ELAPOR1: variants seen among roughly 807,000 people sequenced by gnomAD.
The protein encoded by ELAPOR1 is endosome-lysosome associated apoptosis and autophagy regulator 1.
ELAPOR1 carries 77 observed loss-of-function variants against 119.7 expected under a neutral mutation model. The ratio of observed to expected loss-of-function variants is 0.64; its 90% CI spans 0.54 to 0.78. The LOEUF (loss-of-function observed/expected upper bound fraction) is 0.78. Among genes scored for constraint, ELAPOR1 ranks in the 30% least tolerant of loss-of-function variants. The pLI, the probability that ELAPOR1 is intolerant of heterozygous loss-of-function variation, is 0.00. For missense variants in ELAPOR1, 1,115 were observed against 1,270.4 expected, an observed-to-expected ratio of 0.88 and a Z score of 1.86; for synonymous variants, 481 against 487.2, an observed-to-expected ratio of 0.99 and a Z score of 0.17.
At chr1:109,122,518 A>G (rs1476731631) in intron 1 of ELAPOR1, among the ~76,000 whole-genome samples, 1 of 151,166 alleles carries the variant, frequency 6.6e-6, no homozygotes, top group Non-Finnish European at 1.5e-5. Flanking sequence ...AAAATTAGCT[A>G]TGTGTGGTGG....
intron 4 of ELAPOR1, 54 bp from the exon 5 acceptor site, chr1:109,172,434 G>A (rs1030094656): frequency 3.0e-6 from 4 of 1,326,428 alleles, no homozygotes; most frequent in South Asian, 2.4e-5. Flanking sequence ...GTGGGGAAAG[G>A]TATCCATTTC....
chr1:109,188,440 G>C, intron 9 of ELAPOR1, 86 bp downstream of exon 9: 1 of 1,432,774 alleles, frequency 7.0e-7, no homozygotes, highest in East Asian at 2.3e-5. Context: ...GCTGAATGCA[G>C]ACTCTGCCCT....
chr1:109,142,816 T>C (rs989393615), intron 1 of ELAPOR1, among the ~76,000 whole-genome samples: 2 of 152,216 alleles, frequency 1.3e-5, no homozygotes, highest in African/African-American at 4.8e-5. Context: ...ACAAGAGAAT[T>C]GAGAACATAT....
intron 7 of ELAPOR1, among the ~76,000 whole-genome samples, chr1:109,183,328 C>CAAAAAAA (rs67807553): frequency 3.4e-5 from 1 of 29,440 alleles, no homozygotes; most frequent in African/African-American, 1.3e-4. Flanking sequence ...CTGTCTCTAC[C>CAAAAAAA]AAAAAAAAAA....
rs1022122406 is a variant in ELAPOR1 at position 109,186,572 on chromosome 1, G to C, written c.1041+1439G>C. ...ATTTGGGGCATCATCCCCTTCTCCA[G>C]CAGCCAAGAGAGAATGGCTGTGTCT... On this transcript the variant is annotated intron_variant, in intron 8 of 21. Coordinates refer to ENST00000369939, the MANE Select transcript of ELAPOR1 (RefSeq NM_020775.5). The C allele has an allele frequency of 3.0e-6, 3 of 985,380 alleles. No homozygotes were observed. In the African/African-American group the frequency reaches 5.2e-5, roughly 17 times the overall value. The allele number at this position is 985,380 out of a possible 1,614,324, so 61.0% of individuals were successfully genotyped here.
At chr1:109,146,563 C>G (rs954776851) in intron 1 of ELAPOR1, among the ~76,000 whole-genome samples, 4 of 152,102 alleles carry the variant, frequency 2.6e-5, no homozygotes, top group African/African-American at 9.7e-5. Context: ...TGTTTTTTCT[C>G]TTGCTTTTTC....
intron 16 of ELAPOR1, 63 bp from the exon 17 acceptor site, chr1:109,197,916 G>A (rs964001903): frequency 8.7e-5 from 119 of 1,374,168 alleles, no homozygotes; most frequent in Non-Finnish European, 1.2e-4. Context: ...GGTATTGGAA[G>A]AATTGAAGTG....
chr1:109,203,384 C>T lies in ELAPOR1; in HGVS notation c.*372C>T, dbSNP rs1407452001. On this transcript the variant is annotated 3_prime_UTR_variant, in exon 22 of 22. Coordinates refer to ENST00000369939, the MANE Select transcript of ELAPOR1 (RefSeq NM_020775.5). Reference sequence around the variant, plus strand: ...CTGTCCTCTAACTTAAGGGCAGAAACAGCTGGGAGTTTTCCTCGCATGCCC... The same window carrying T: ...CTGTCCTCTAACTTAAGGGCAGAAATAGCTGGGAGTTTTCCTCGCATGCCC... The T allele has an allele frequency of 4.5e-6, 1 of 219,858 alleles. No homozygotes were observed. Among genetic ancestry groups the T allele is most frequent in the Non-Finnish European group, 8.9e-6 (1 of 112,994 alleles). 13.6% of individuals were successfully genotyped at this position (219,858 alleles called of 1,614,324 possible).
intron 1 of ELAPOR1, among the ~76,000 whole-genome samples, chr1:109,119,149 G>C (rs567543091): frequency 1.3e-5 from 2 of 151,596 alleles, no homozygotes; most frequent in South Asian, 4.2e-4. Flanking sequence ...TGCCCGCCTC[G>C]GCCTCCCAAA....
Position 109,199,172 on chromosome 1 carries a change from C to T in ELAPOR1, c.2501+498C>T, listed in dbSNP as rs536224774. 2.0e-5 allele frequency among the ~76,000 whole-genome samples: 3 copies of T among 152,240 alleles called. No individual in the cohort carries two copies. In the East Asian group the frequency reaches 5.8e-4, roughly 29 times the overall value. ...TAGGAATCTCTCTGCAACGAAAATA[C>T]CCAGTTCTGAGGTTAATAGCTGAGT... is the stretch of plus-strand genomic sequence containing the variant. On this transcript the variant is annotated intron_variant, in intron 18 of 21. Transcript: ENST00000369939.
At chr1:109,202,828 C>A in intron 21 of ELAPOR1, 116 bp from the exon 22 acceptor site, 3 of 937,158 alleles carry the variant, frequency 3.2e-6, no homozygotes, top group Non-Finnish European at 5.3e-6. Context: ...TTCCACAAAG[C>A]CACTGAAACA....
At chr1:109,138,358 G>A (rs987124348) in intron 1 of ELAPOR1, among the ~76,000 whole-genome samples, 6 of 152,066 alleles carry the variant, frequency 3.9e-5, no homozygotes, top group African/African-American at 9.7e-5. Flanking sequence ...CTTCACAAAC[G>A]TGATACAGAT....
intron 1 of ELAPOR1, among the ~76,000 whole-genome samples, chr1:109,135,629 A>G (rs1266364502): frequency 6.6e-6 from 1 of 152,184 alleles, no homozygotes; most frequent in Non-Finnish European, 1.5e-5. Context: ...TTTGGGAACC[A>G]TTGGTTTAAG....
At position 109,198,013 on chromosome 1, in the gene ELAPOR1, C is replaced by T; in HGVS notation, c.2337C>T (p.Thr779=). Residue 779 remains threonine, a synonymous_variant, in exon 17 of 22, where the codon ACC becomes ACT. Transcript: ENST00000369939. The part of the protein sequence containing the change: ...VTTDMTLDGI[T]SPAELFHLES... The stretch of plus-strand genomic sequence containing the variant: ...CAGATATGACTCTGGATGGAATCAC[C>T]TCCCCAGCTGAACTTTTCCACCTGG... 2 of 1,614,114 alleles carry T rather than the reference C, an allele frequency of 1.2e-6. No individual in the cohort carries two copies. Among genetic ancestry groups the T allele is most frequent in the South Asian group, 1.1e-5 (1 of 91,082 alleles).
intron 7 of ELAPOR1, among the ~76,000 whole-genome samples, chr1:109,182,894 C>G (rs1652784191): frequency 6.6e-6 from 1 of 151,446 alleles, no homozygotes; most frequent in Non-Finnish European, 1.5e-5. Flanking sequence ...AAATCTCATT[C>G]CACTACACCA....
At chr1:109,118,343 T>C (rs1351706727) in intron 1 of ELAPOR1, among the ~76,000 whole-genome samples, 1 of 152,112 alleles carries the variant, frequency 6.6e-6, no homozygotes, top group East Asian at 1.9e-4. Flanking sequence ...TGTGCAATAG[T>C]GTGAGATACA....
chr1:109,128,742 T>C (rs560169954), intron 1 of ELAPOR1, among the ~76,000 whole-genome samples: 94 of 152,374 alleles, frequency 6.2e-4, no homozygotes, highest in Middle Eastern at 3.4e-3. Context: ...CAAAATTTGT[T>C]ACCTCCCTTT....
rs143265237 is a variant in ELAPOR1, at chr1:109,147,215, C to A, written c.154-14679C>A. ...ATAGGCATGAGCCACCACGCCTGGC[C>A]TATTTAATTTTTTTAAGTAACATCA... On this transcript the variant is annotated intron_variant, in intron 1 of 21. Coordinates refer to ENST00000369939, the MANE Select transcript of ELAPOR1 (RefSeq NM_020775.5). Among the ~76,000 whole-genome samples the A allele has an allele frequency of 1.5e-3, 227 of 152,072 alleles. 5 individuals carry two copies. The South Asian group carries it at 0.028, about 19-fold the overall frequency.
At chr1:109,184,117 A>G (rs1652909866) in intron 7 of ELAPOR1, among the ~76,000 whole-genome samples, 1 of 152,144 alleles carries the variant, frequency 6.6e-6, no homozygotes, top group African/African-American at 2.4e-5. Flanking sequence ...CACCCCTGTA[A>G]TTCCAGCGCT....
Sources: gnomAD v4.1 joint callset for allele counts (sites outside exome capture counted in the v4.1 genomes callset) on GRCh38, gnomAD v4.1.1 for gene constraint, MANE v1.5 for transcripts, NCBI Gene and HGNC (gene_info 2026-07-23, HGNC 2026-07-21) for gene names.